CEP85L: variants seen among roughly 807,000 people sequenced by gnomAD.
The protein encoded by CEP85L is centrosomal protein of 85 kDa-like.
CEP85L carries 60 observed loss-of-function variants against 100.3 expected under a neutral mutation model. The ratio of observed to expected loss-of-function variants is 0.60; its 90% CI spans 0.49 to 0.74. The LOEUF (loss-of-function observed/expected upper bound fraction) is 0.74. Ranked by LOEUF, CEP85L falls within the 30% of genes least tolerant of loss-of-function variation. The probability of loss-of-function intolerance (pLI) is 0.00; values close to 1 mark genes in which losing one functional copy is unlikely to be tolerated. For synonymous variants in CEP85L, 319 were observed against 322.7 expected (o/e 0.99, Z 0.12); for missense variants, 973 against 936.2 (o/e 1.04, Z -0.51).
intron 1 of CEP85L, among the ~76,000 whole-genome samples, chr6:118,696,744 T>C (rs1777225490): frequency 6.6e-6 from 1 of 152,172 alleles, no homozygotes; most frequent in Non-Finnish European, 1.5e-5. Context: ...AATAAAAACC[T>C]TGGACAGTTG....
rs1215569625 is a variant in CEP85L at position 118,469,311 on chromosome 6, G to A, written c.2023-8C>T. On this transcript the variant is annotated splice_polypyrimidine_tract_variant and splice_region_variant and intron_variant, in intron 11 of 12. Coordinates refer to ENST00000368491, the MANE Select transcript of CEP85L (RefSeq NM_001042475.3). ...ATCTGTTTGTCTTTGGTTCTGCAAG[G>A]ATAAAGAAAACAAACATCAGATTGT... The A allele has an allele frequency of 1.2e-6, 2 of 1,603,972 alleles. No individual in the cohort carries two copies. Among genetic ancestry groups the A allele is most frequent in the African/African-American group, 1.3e-5 (1 of 74,662 alleles).
chr6:118,553,537 G>A (rs928843718), intron 3 of CEP85L, among the ~76,000 whole-genome samples: 2 of 152,140 alleles, frequency 1.3e-5, no homozygotes, highest in African/African-American at 4.8e-5. Flanking sequence ...ATTTTAGCGT[G>A]TAAAGCAGAT....
chr6:118,526,183 A>T (rs557866994), intron 3 of CEP85L, among the ~76,000 whole-genome samples: 3 of 152,354 alleles, frequency 2.0e-5, no homozygotes, highest in Admixed American at 2.0e-4. Context: ...AATATACAAT[A>T]AGGGCTGATA....
chr6:118,463,806 A>G lies in CEP85L; in HGVS notation c.*1599T>C, dbSNP rs907434255. ...TTCAACTATAACTATAAAATAATCT[A>G]TTGAGAGCTGTATAGCCAACATTTT... On this transcript the variant is annotated 3_prime_UTR_variant, in exon 13 of 13. Coordinates refer to ENST00000368491, the MANE Select transcript of CEP85L (RefSeq NM_001042475.3). 6.6e-6 allele frequency: 1 copy of G among 152,122 alleles called. No homozygotes were observed. The highest frequency in any genetic ancestry group is 1.5e-5 in the Non-Finnish European group (1 of 67,972). 9.4% of individuals were successfully genotyped at this position (152,122 alleles called of 1,614,324 possible). A position where few individuals can be genotyped will look rare whatever the true frequency, so the allele number is the denominator to read the frequency against.
At chr6:118,630,864 T>C (rs560058025) in intron 2 of CEP85L, among the ~76,000 whole-genome samples, 82 of 152,286 alleles carry the variant, frequency 5.4e-4, no homozygotes, top group Non-Finnish European at 1.0e-3. Flanking sequence ...TAAATTCTCA[T>C]AGAAGCACAA....
intron 1 of CEP85L, among the ~76,000 whole-genome samples, chr6:118,637,142 T>C (rs370484885): frequency 1.3e-4 from 20 of 152,320 alleles, no homozygotes; most frequent in African/African-American, 4.6e-4. Context: ...CTCAACTATC[T>C]GTTATCTAAC....
intron 3 of CEP85L, among the ~76,000 whole-genome samples, chr6:118,532,177 C>T (rs578183012): frequency 2.6e-5 from 4 of 152,112 alleles, no homozygotes; most frequent in African/African-American, 9.6e-5. Context: ...TGTAATACTA[C>T]ATAGCCATAA....
At chr6:118,594,076 G>A (rs575534908) in intron 2 of CEP85L, among the ~76,000 whole-genome samples, 1 of 152,156 alleles carries the variant, frequency 6.6e-6, no homozygotes, top group South Asian at 2.1e-4. Context: ...CTATCGTAAC[G>A]CTCCTAACTA....
chr6:118,576,998 T>C (rs987021695), intron 2 of CEP85L, among the ~76,000 whole-genome samples: 5 of 152,116 alleles, frequency 3.3e-5, no homozygotes, highest in Non-Finnish European at 7.3e-5. Flanking sequence ...GCATGAACTG[T>C]ATGGTAGCCC....
chr6:118,506,611 G>T (rs1461212792), intron 5 of CEP85L, among the ~76,000 whole-genome samples: 4 of 152,124 alleles, frequency 2.6e-5, no homozygotes, highest in Non-Finnish European at 5.9e-5. Context: ...GGGAGTTGGT[G>T]GGGGAAAGCA....
At chr6:118,514,646 T>A (rs1292751370) in intron 4 of CEP85L, among the ~76,000 whole-genome samples, 1 of 151,692 alleles carries the variant, frequency 6.6e-6, no homozygotes, top group African/African-American at 2.4e-5. Context: ...ATTGGCAGAA[T>A]GGATAAAAAG....
intron 6 of CEP85L, among the ~76,000 whole-genome samples, chr6:118,488,498 G>A (rs11153750): frequency 5.1e-4 from 78 of 151,668 alleles, no homozygotes; most frequent in Non-Finnish European, 1.0e-3. Context: ...GTAACAAAAA[G>A]AACAAGGAAT....
At chr6:118,613,757 C>CAA (rs370753175) in intron 2 of CEP85L, among the ~76,000 whole-genome samples, 1 of 102,620 alleles carries the variant, frequency 9.7e-6, no homozygotes, top group Non-Finnish European at 1.9e-5. Flanking sequence ...ATCTGTGTCT[C>CAA]AAAAAAAAAA....
rs1409269066 is a variant in CEP85L at position 118,702,974 on chromosome 6, C to A, written c.-28+7062G>T. 1.0e-4 allele frequency among the ~76,000 whole-genome samples: 13 copies of A among 130,422 alleles called. No homozygotes were observed. The South Asian group carries it at 2.9e-3, about 29-fold the overall frequency. 85.6% of individuals were successfully genotyped at this position (130,422 alleles called of 152,430 possible). On this transcript the variant is annotated intron_variant, in intron 1 of 13. Coordinates refer to the CEP85L transcript ENST00000368488. ...TGGCTCCATTGCACTCCAGCCTGGG[C>A]GACAAAGAGAGACTCTGTCTCAAAA...
intron 2 of CEP85L, among the ~76,000 whole-genome samples, chr6:118,611,667 T>C (rs567230466): frequency 1.3e-5 from 2 of 152,254 alleles, no homozygotes; most frequent in African/African-American, 4.8e-5. Context: ...ATAAAACATA[T>C]GCCATGTGAA....
intron 1 of CEP85L, among the ~76,000 whole-genome samples, chr6:118,680,139 A>T (rs1022097071): frequency 1.2e-4 from 18 of 152,034 alleles, no homozygotes; most frequent in Non-Finnish European, 2.4e-4. Flanking sequence ...AAAAAAATTT[A>T]AAAGTATTCT....
chr6:118,633,186 T>C (rs1774279272), intron 1 of CEP85L, among the ~76,000 whole-genome samples: 1 of 151,084 alleles, frequency 6.6e-6, no homozygotes, highest in African/African-American at 2.4e-5. Context: ...CACAGCATTT[T>C]CCTACTCTTA....
At chr6:118,523,276 T>C (rs897016591) in intron 4 of CEP85L, among the ~76,000 whole-genome samples, 1 of 152,170 alleles carries the variant, frequency 6.6e-6, no homozygotes, top group Non-Finnish European at 1.5e-5. Flanking sequence ...TAAGTATAAA[T>C]AATTTTTTTT....
chr6:118,611,633 T>C (rs1034558222), intron 2 of CEP85L, among the ~76,000 whole-genome samples: 1 of 152,060 alleles, frequency 6.6e-6, no homozygotes, highest in Non-Finnish European at 1.5e-5. Flanking sequence ...AATAATAACA[T>C]AGATAGGTTG....
Sources: allele counts gnomAD v4.1 joint callset (sites outside exome capture counted in the v4.1 genomes callset), GRCh38; gene constraint gnomAD v4.1.1; transcripts MANE v1.5; gene names NCBI Gene and HGNC (gene_info 2026-07-23, HGNC 2026-07-21).